SCN10A: variants seen among roughly 807,000 people sequenced by gnomAD.
SCN10A encodes the protein sodium voltage-gated channel alpha subunit 10, also known as sodium channel protein type 10 subunit alpha.
SCN10A carries 162 observed loss-of-function variants against 170.7 expected under a neutral mutation model. That is an observed-to-expected ratio of 0.95 (90% CI 0.84 to 1.08). The LOEUF (loss-of-function observed/expected upper bound fraction) is 1.08, where lower values mean the gene tolerates loss of function less well. Ranked by LOEUF, SCN10A falls within the 50% of genes least tolerant of loss-of-function variation. The probability of loss-of-function intolerance (pLI) is 0.00; values close to 1 mark genes in which losing one functional copy is unlikely to be tolerated. For missense variants in SCN10A, 2,527 were observed against 2,436.9 expected (o/e 1.04, Z -0.78); for synonymous variants, 985 against 904.6 (o/e 1.09, Z -1.59).
chr3:38,709,685 C>A, intron 24 of SCN10A, 70 bp from the exon 25 acceptor site: 1 of 1,387,596 alleles, frequency 7.2e-7, no homozygotes, highest in Non-Finnish European at 9.6e-7. Flanking sequence ...GAAAGCCAAG[C>A]CTAAGACATG....
intron 24 of SCN10A, among the ~76,000 whole-genome samples, chr3:38,709,829 G>A (rs1268235838): frequency 1.3e-5 from 2 of 152,340 alleles, no homozygotes; most frequent in East Asian, 1.9e-4. Context: ...GTGGGCAACT[G>A]AAGCGCAATC....
chr3:38,762,915 C>T (rs1166187352), intron 6 of SCN10A, among the ~76,000 whole-genome samples: 1 of 152,184 alleles, frequency 6.6e-6, no homozygotes, highest in Non-Finnish European at 1.5e-5. Context: ...CTGGCCTCCC[C>T]ATCCTCACCA....
At chr3:38,814,840 G>C (rs1363848966) in intron 1 of SCN10A, among the ~76,000 whole-genome samples, 1 of 152,132 alleles carries the variant, frequency 6.6e-6, no homozygotes, top group Non-Finnish European at 1.5e-5. Flanking sequence ...ATTTCCACCA[G>C]TTTAAAAGCA....
intron 12 of SCN10A, among the ~76,000 whole-genome samples, chr3:38,750,404 G>C (rs574313122): frequency 1.3e-5 from 2 of 152,256 alleles, no homozygotes; most frequent in South Asian, 4.1e-4. Flanking sequence ...TATACATCTA[G>C]GCTAAATAGT....
intron 5 of SCN10A, among the ~76,000 whole-genome samples, chr3:38,769,991 T>C (rs759751843): frequency 7.9e-5 from 12 of 152,110 alleles, no homozygotes; most frequent in Non-Finnish European, 1.8e-4. Flanking sequence ...TCTGTGAGAG[T>C]CCTAGGCTGT....
At chr3:38,699,023 A>T (rs1199404606) in intron 27 of SCN10A, among the ~76,000 whole-genome samples, 1 of 151,710 alleles carries the variant, frequency 6.6e-6, no homozygotes, top group African/African-American at 2.4e-5. Context: ...ACCCCTTATG[A>T]TTCCTCTCCC....
chr3:38,714,226 A>C, intron 21 of SCN10A, 146 bp from the exon 22 acceptor site: 1 of 921,842 alleles, frequency 1.1e-6, no homozygotes, highest in Non-Finnish European at 1.6e-6. Flanking sequence ...AACTCCAATG[A>C]GAGGTCTAGA....
chr3:38,758,500 G>T (rs896077637), intron 8 of SCN10A, among the ~76,000 whole-genome samples: 3 of 152,172 alleles, frequency 2.0e-5, no homozygotes, highest in African/African-American at 7.2e-5. Flanking sequence ...TTTTAACCTT[G>T]GAAGCTGCTG....
chr3:38,719,115 T>A (rs905384211), intron 20 of SCN10A, among the ~76,000 whole-genome samples: 1 of 152,234 alleles, frequency 6.6e-6, no homozygotes, highest in Non-Finnish European at 1.5e-5. Flanking sequence ...TCAAATTGGA[T>A]TTTGGAAGTG....
chr3:38,732,986 C>G (rs975156404), intron 15 of SCN10A, among the ~76,000 whole-genome samples: 1 of 152,134 alleles, frequency 6.6e-6, no homozygotes, highest in African/African-American at 2.4e-5. Context: ...AATGAAACAA[C>G]TCTTAGCAAA....
At chr3:38,754,398 T>C (rs2063781041) in intron 11 of SCN10A, among the ~76,000 whole-genome samples, 1 of 152,264 alleles carries the variant, frequency 6.6e-6, no homozygotes, top group South Asian at 2.1e-4. Flanking sequence ...TAGTCATCTC[T>C]TTATACCAAG....
intron 10 of SCN10A, 23 bp downstream of exon 10, chr3:38,756,651 C>T (rs900252497): frequency 2.5e-6 from 4 of 1,600,246 alleles, no homozygotes; most frequent in Admixed American, 3.3e-5. Flanking sequence ...ACCTTCTTCA[C>T]AAAGCTTCCA....
chr3:38,754,442 C>T (rs2063781538), intron 11 of SCN10A, among the ~76,000 whole-genome samples: 1 of 152,194 alleles, frequency 6.6e-6, no homozygotes, highest in South Asian at 2.1e-4. Flanking sequence ...AGTTACAGCT[C>T]CTCTTTTTTC....
At chr3:38,807,464 A>T (rs566772394) in intron 1 of SCN10A, among the ~76,000 whole-genome samples, 57 of 152,156 alleles carry the variant, frequency 3.7e-4, no homozygotes, top group Non-Finnish European at 6.3e-4. Context: ...ACAATTCCAG[A>T]TAAACTTTTA....
At chr3:38,708,017 T>A (rs1169391348) in intron 25 of SCN10A, among the ~76,000 whole-genome samples, 1 of 152,188 alleles carries the variant, frequency 6.6e-6, no homozygotes, top group East Asian at 1.9e-4. Flanking sequence ...AGGGGCCCTT[T>A]GGATTTTCTT....
intron 1 of SCN10A, among the ~76,000 whole-genome samples, chr3:38,795,543 T>C (rs2064335417): frequency 1.3e-5 from 2 of 151,926 alleles, no homozygotes; most frequent in South Asian, 4.2e-4. Context: ...TGTACCACTA[T>C]ATTGTCCAGG....
Position 38,793,903 on chromosome 3 carries a change from T to A in SCN10A, c.108A>T (p.Lys36Asn). The change falls in exon 2 of 28, where the codon AAA becomes AAT. Residue 36 changes from lysine to asparagine, a missense_variant. Coordinates refer to ENST00000449082, the MANE Select transcript of SCN10A (RefSeq NM_006514.4). ...TCTGCTCCCTATGCTTCTCTCTGGC[T>A]TTCTTTGTTCCCTGCTTGGCAGCAA... ...KQIAAKQGTKKAREKHREQKD... is the reference protein window; with the variant it reads ...KQIAAKQGTKNAREKHREQKD... 2 of 1,614,122 alleles carry A rather than the reference T, an allele frequency of 1.2e-6. No homozygotes were observed. The highest frequency in any genetic ancestry group is 1.7e-6 in the Non-Finnish European group (2 of 1,179,966).
At chr3:38,789,107 G>C in intron 3 of SCN10A, 71 bp from the exon 4 acceptor site, 4 of 858,820 alleles carry the variant, frequency 4.7e-6, no homozygotes, top group Non-Finnish European at 8.0e-6. Flanking sequence ...TCACCTTGAT[G>C]CTGAATGATT....
rs2064316937 is a variant in SCN10A, at chr3:38,793,836, C to T, written c.175G>A (p.Ala59Thr). The change falls in exon 2 of 28, where the codon GCC (alanine) becomes ACC (threonine). Residue 59 changes from alanine to threonine, a missense_variant. Physicochemically the swap from Ala to Thr is moderately conservative, Grantham distance 58. Coordinates refer to ENST00000449082, the MANE Select transcript of SCN10A (RefSeq NM_006514.4). ...EKPRPQLDLK[A>T]CNQLPKFYGE... ...TAGAACTTGGGCAGCTGGTTGCAGG[C>T]TTTCAAGTCCAGCTGGGGCCGAGGC... The T allele has an allele frequency of 1.2e-6, 2 of 1,614,088 alleles. No individual in the cohort carries two copies. The highest frequency in any genetic ancestry group is 1.7e-6 in the Non-Finnish European group (2 of 1,179,988).
Sources: gnomAD v4.1 joint callset for allele counts (sites outside exome capture counted in the v4.1 genomes callset) on GRCh38, gnomAD v4.1.1 for gene constraint, MANE v1.5 for transcripts, NCBI Gene and HGNC (gene_info 2026-07-23, HGNC 2026-07-21) for gene names.